The following PUS7L variants were observed in gnomAD, a reference collection of about 807,000 sequenced individuals.
PUS7L encodes pseudouridine synthase 7 like, also known as pseudouridylate synthase PUS7L.
Under a neutral mutation model 51.1 loss-of-function variants are expected in PUS7L, and 49 were observed. The ratio of observed to expected loss-of-function variants is 0.96; its 90% CI spans 0.76 to 1.22. The LOEUF (loss-of-function observed/expected upper bound fraction) is 1.22. PUS7L is among the 50% of genes most tolerant of loss of function. The pLI is 0.00. For missense variants in PUS7L, 828 were observed against 820.6 expected (o/e 1.01, Z -0.11); for synonymous variants, 277 against 276.2 (o/e 1.00, Z -0.03).
In PUS7L at chr12:43,730,636, C is replaced by CA; in HGVS notation, c.1845dup (p.Asp616Ter). On this transcript the variant is annotated frameshift_variant, in exon 9 of 9. Coordinates refer to ENST00000344862, the MANE Select transcript of PUS7L (RefSeq NM_031292.5). LOFTEE classifies it low-confidence loss of function (END_TRUNC). ...TGTAGTCCATCTCTGCTAAGTATGTCATGGTACCACTGCCCTACTTTGTTC... is the reference window on the plus strand; with the variant it reads ...TGTAGTCCATCTCTGCTAAGTATGTCAATGGTACCACTGCCCTACTTTGTTC... 6.2e-7 allele frequency: 1 copy of CA among 1,613,710 alleles called. No individual in the cohort carries two copies. The highest frequency in any genetic ancestry group is 1.3e-5 in the African/African-American group (1 of 74,998).
intron 6 of PUS7L, among the ~76,000 whole-genome samples, chr12:43,736,951 T>C (rs1944709059): frequency 6.6e-6 from 1 of 150,570 alleles, no homozygotes; most frequent in African/African-American, 2.4e-5. Context: ...AATGAAGTTA[T>C]TCACAGGACT....
intron 1 of PUS7L, 78 bp downstream of exon 1, chr12:43,758,652 T>TGGGGGGGGGGGGGGGGGGGGG: frequency 1.4e-6 from 1 of 708,234 alleles, no homozygotes; most frequent in Non-Finnish European, 1.6e-6. Context: ...GCCAACCTCG[T>TGGGGGGGGGGGGGGGGGGGGG]CACCCCCCCC....
chr12:43,735,624 TAATAG>T (rs1271205274), intron 7 of PUS7L, among the ~76,000 whole-genome samples: 6 of 151,946 alleles, frequency 3.9e-5, no homozygotes, highest in African/African-American at 9.7e-5. Context: ...CGGTGTTAAC[TAATAG>T]AATAAAAATA....
Position 43,748,437 on chromosome 12 carries a change from A to C in PUS7L, c.1070+13T>G, listed in dbSNP as rs984912231. 6.4e-7 allele frequency: 1 copy of C among 1,561,344 alleles called. No individual in the cohort carries two copies. Among genetic ancestry groups the C allele is most frequent in the African/African-American group, 1.4e-5 (1 of 72,126 alleles). ...CAAAGTTTCTATCCTAAAATTTCTT[A>C]ATATCTTATTACCTCTCTGGAGTCA... On this transcript the variant is annotated intron_variant, in intron 3 of 8. Coordinates refer to ENST00000344862, the MANE Select transcript of PUS7L (RefSeq NM_031292.5).
In PUS7L at chr12:43,754,321, G is replaced by T. The variant is rs1938587248; in HGVS notation, c.910+15C>A. ...AAGCTTATCCAAGAAAATGGATGAT[G>T]ATTTATTAAATTACCTGTATATATA... On this transcript the variant is annotated intron_variant, in intron 2 of 8. Transcript: ENST00000344862. 4.0e-6 allele frequency: 6 copies of T among 1,492,994 alleles called. No homozygotes were observed. Among genetic ancestry groups the T allele is most frequent in the South Asian group, 1.2e-5 (1 of 80,156 alleles). 92.5% of individuals were successfully genotyped at this position (1,492,994 alleles called of 1,614,324 possible). A position where few individuals can be genotyped will look rare whatever the true frequency, so the allele number is the denominator to read the frequency against.
In PUS7L at chr12:43,730,327, C is replaced by T. The variant is rs1944519414; in HGVS notation, c.*49G>A. 1 of 1,434,088 alleles carries T rather than the reference C, an allele frequency of 7.0e-7. No individual in the cohort carries two copies. Among genetic ancestry groups the T allele is most frequent in the Admixed American group, 1.8e-5 (1 of 54,506 alleles). The allele number at this position is 1,434,088 out of a possible 1,614,324, so 88.8% of individuals were successfully genotyped here. A position where few individuals can be genotyped will look rare whatever the true frequency, so the allele number is the denominator to read the frequency against. The stretch of plus-strand genomic sequence containing the variant: ...AAGGTGCTTAAGACATTTTAGCCCC[C>T]TTTCCTTCAAAGAGTGACATATATA... On this transcript the variant is annotated 3_prime_UTR_variant, in exon 9 of 9. Transcript: ENST00000344862.
intron 2 of PUS7L, among the ~76,000 whole-genome samples, chr12:43,753,591 C>T (rs1381844197): frequency 6.6e-6 from 1 of 152,146 alleles, no homozygotes; most frequent in African/African-American, 2.4e-5. Context: ...AGTTCCCATC[C>T]TTCAAGTAGA....
chr12:43,751,557 A>G (rs1288491552), intron 2 of PUS7L, among the ~76,000 whole-genome samples: 2 of 152,080 alleles, frequency 1.3e-5, no homozygotes, highest in Non-Finnish European at 2.9e-5. Flanking sequence ...ATAGTATTCC[A>G]TGGTGTGTAT....
In PUS7L at chr12:43,728,022, T is replaced by C. The variant is rs1944478053; in HGVS notation, c.*2354A>G. 1 of 150,770 alleles carries C rather than the reference T, an allele frequency of 6.6e-6. No homozygotes were observed. The highest frequency in any genetic ancestry group is 2.4e-5 in the African/African-American group (1 of 40,964). The allele number at this position is 150,770 out of a possible 1,614,324, so 9.3% of individuals were successfully genotyped here. On this transcript the variant is annotated 3_prime_UTR_variant, in exon 9 of 9. Transcript: ENST00000344862. ...ATCCTTGCAGTTTAAGATGACACTT[T>C]AAAAATAAATTAACTCCTAATAATG...
At chr12:43,751,043 T>A (rs1938415676) in intron 2 of PUS7L, among the ~76,000 whole-genome samples, 1 of 152,182 alleles carries the variant, frequency 6.6e-6, no homozygotes, top group South Asian at 2.1e-4. Flanking sequence ...ACTTCAAATC[T>A]TAGTGGCTTA....
chr12:43,738,211 T>C, intron 6 of PUS7L, 99 bp downstream of exon 6: 1 of 725,720 alleles, frequency 1.4e-6, no homozygotes, highest in East Asian at 2.6e-5. Flanking sequence ...TTATTTCTTA[T>C]CACATTTATG....
intron 1 of PUS7L, 102 bp downstream of exon 1, chr12:43,758,628 T>C (rs1720135559): frequency 1.0e-6 from 1 of 960,614 alleles, no homozygotes; most frequent in Non-Finnish European, 1.2e-6. Context: ...GCGCAAAGGG[T>C]ATGGATCCTC....
In PUS7L at chr12:43,720,878, C is replaced by T. The variant is rs1441027313; in HGVS notation, c.*9498G>A. On this transcript the variant is annotated 3_prime_UTR_variant, in exon 9 of 9. Transcript: ENST00000344862. Reference sequence around the variant, plus strand: ...ACTGTCTTATTAGTTCCAGATAATTCTCCATGTTTTCTCTTTCTCTAGTTT... The same window carrying T: ...ACTGTCTTATTAGTTCCAGATAATTTTCCATGTTTTCTCTTTCTCTAGTTT... The T allele has an allele frequency of 6.6e-6, 1 of 152,106 alleles. No individual in the cohort carries two copies. The highest frequency in any genetic ancestry group is 1.9e-4 in the East Asian group (1 of 5,190). 9.4% of individuals were successfully genotyped at this position (152,106 alleles called of 1,614,324 possible). A position where few individuals can be genotyped will look rare whatever the true frequency, so the allele number is the denominator to read the frequency against.
chr12:43,742,120 C>T (rs746023018), intron 5 of PUS7L, among the ~76,000 whole-genome samples: 11 of 152,088 alleles, frequency 7.2e-5, no homozygotes, highest in African/African-American at 1.4e-4. Flanking sequence ...TATGTGGATT[C>T]CTATCTTTTA....
chr12:43,740,920 A>C (rs1383484705), intron 5 of PUS7L: 1 of 152,198 alleles, frequency 6.6e-6, no homozygotes, highest in African/African-American at 2.4e-5. Context: ...CAGATCCTCC[A>C]TCCTGGTCAA....
At chr12:43,756,361 C>T (rs535937890) in intron 1 of PUS7L, among the ~76,000 whole-genome samples, 4 of 152,316 alleles carry the variant, frequency 2.6e-5, no homozygotes, top group East Asian at 3.9e-4. Context: ...TTCTTTCCCA[C>T]CCATCTACCT....
rs1939067013 is a variant in PUS7L at position 43,758,777 on chromosome 12, C to T, written c.-64G>A. The T allele has an allele frequency of 1.0e-6, 1 of 966,824 alleles. No homozygotes were observed. Among genetic ancestry groups the T allele is most frequent in the Non-Finnish European group, 1.2e-6 (1 of 813,368 alleles). The allele number at this position is 966,824 out of a possible 1,614,324, so 59.9% of individuals were successfully genotyped here. ...ATTTGCACAACGCTGTGCGCATGCC[C>T]GGAAGCCTTAAGTGTTTCAGCCTCC... On this transcript the variant is annotated 5_prime_UTR_variant, in exon 1 of 9. Transcript: ENST00000344862.
chr12:43,732,310 G>A (rs932715620), intron 7 of PUS7L, among the ~76,000 whole-genome samples: 7 of 151,932 alleles, frequency 4.6e-5, no homozygotes, highest in Admixed American at 3.3e-4. Flanking sequence ...AGCCAGGTGT[G>A]GTGGCACATG....
At chr12:43,758,374 G>C (rs1938957867) in intron 1 of PUS7L, 2 of 985,628 alleles carry the variant, frequency 2.0e-6, no homozygotes, top group Non-Finnish European at 2.4e-6. Context: ...AGTGGGCGGG[G>C]GAGTAGTTTG....
Sources: allele counts gnomAD v4.1 joint callset (sites outside exome capture counted in the v4.1 genomes callset), GRCh38; gene constraint gnomAD v4.1.1; transcripts MANE v1.5; gene names NCBI Gene and HGNC (gene_info 2026-07-23, HGNC 2026-07-21).